The following TENM3 variants were observed in gnomAD, a reference collection of about 807,000 sequenced individuals.
The protein encoded by TENM3 is teneurin transmembrane protein 3.
Under a neutral mutation model 255.1 loss-of-function variants are expected in TENM3, and 63 were observed. The ratio of observed to expected loss-of-function variants is 0.25; its 90% CI spans 0.20 to 0.30. The LOEUF (loss-of-function observed/expected upper bound fraction) is 0.30, where lower values mean the gene tolerates loss of function less well. Ranked by LOEUF, TENM3 falls within the 10% of genes least tolerant of loss-of-function variation. TENM3 has a pLI of 1.00. For missense variants in TENM3, 2,929 were observed against 3,461.1 expected, an observed-to-expected ratio of 0.85 and a Z score of 3.86; for synonymous variants, 1,306 against 1,322.3, an observed-to-expected ratio of 0.99 and a Z score of 0.27.
intron 12 of TENM3, among the ~76,000 whole-genome samples, chr4:182,706,184 A>G (rs182892323): frequency 2.0e-5 from 3 of 152,270 alleles, no homozygotes; most frequent in African/African-American, 7.2e-5. Flanking sequence ...AGTTGTAACT[A>G]TAACGTTTAT....
intron 3 of TENM3, among the ~76,000 whole-genome samples, chr4:182,415,798 T>G (rs1021788599): frequency 6.6e-6 from 1 of 152,092 alleles, no homozygotes; most frequent in East Asian, 1.9e-4. Context: ...AAACTTGACA[T>G]GTAATTTAGC....
intron 3 of TENM3, among the ~76,000 whole-genome samples, chr4:182,365,634 A>G (rs6825457): frequency 0.74 from 113,273 of 152,156 alleles, 42,884 homozygotes; most frequent in East Asian, 0.97. Context: ...AATGAAAAAC[A>G]TAAAGCAGGC....
chr4:181,788,179 G>A, the TENM3 span, among the ~76,000 whole-genome samples: 2 of 152,088 alleles, frequency 1.3e-5, no homozygotes, highest in Non-Finnish European at 2.9e-5. Flanking sequence ...ACTAACTGGG[G>A]AGCTGCTTAG....
At chr4:182,637,514 G>A (rs778850194) in intron 5 of TENM3, among the ~76,000 whole-genome samples, 3 of 152,162 alleles carry the variant, frequency 2.0e-5, no homozygotes, top group Non-Finnish European at 1.5e-5. Context: ...CAGCCTGAAC[G>A]ACATAGCAAG....
chr4:182,169,512 G>C, intron 1 of TENM3: 1 of 267,328 alleles, frequency 3.7e-6, no homozygotes. Flanking sequence ...CTTTTTAGAG[G>C]AGAATTTATC....
At chr4:182,592,813 A>G (rs748451221) in intron 3 of TENM3, among the ~76,000 whole-genome samples, 7 of 152,208 alleles carry the variant, frequency 4.6e-5, no homozygotes, top group African/African-American at 9.6e-5. Context: ...TTTGAAGAAG[A>G]CTTAAGTTTT....
chr4:181,551,828 A>G, the TENM3 span, among the ~76,000 whole-genome samples: 71 of 25,340 alleles, frequency 2.8e-3, no homozygotes, highest in Non-Finnish European at 3.9e-3. Context: ...ATATATATAT[A>G]TATATGTATA....
At chr4:181,708,423 C>T in the TENM3 span, among the ~76,000 whole-genome samples, 429 of 151,960 alleles carry the variant, frequency 2.8e-3, 4 homozygotes, top group African/African-American at 9.2e-3. Flanking sequence ...TATATTAGAA[C>T]GAGATAAGAG....
the TENM3 span, among the ~76,000 whole-genome samples, chr4:181,455,907 C>G: frequency 6.6e-6 from 1 of 151,836 alleles, no homozygotes; most frequent in Non-Finnish European, 1.5e-5. Flanking sequence ...GCTTTGATAG[C>G]TAAATCACTG....
the TENM3 span, among the ~76,000 whole-genome samples, chr4:181,901,393 A>G: frequency 6.6e-6 from 1 of 152,200 alleles, no homozygotes; most frequent in Non-Finnish European, 1.5e-5. Flanking sequence ...CTATGGGGCT[A>G]CCCAGAATGG....
chr4:181,938,808 C>G, the TENM3 span, among the ~76,000 whole-genome samples: 6 of 152,144 alleles, frequency 3.9e-5, no homozygotes, highest in East Asian at 1.2e-3. Context: ...AATATTTCAA[C>G]CCTAAGAACT....
chr4:182,624,474 C>A (rs1196560022), intron 4 of TENM3, among the ~76,000 whole-genome samples: 1 of 152,196 alleles, frequency 6.6e-6, no homozygotes, highest in Non-Finnish European at 1.5e-5. Flanking sequence ...GAGCCTCAGC[C>A]TTCCTTGGAG....
chr4:182,420,067 A>C (rs1218757530), intron 3 of TENM3, among the ~76,000 whole-genome samples: 1 of 152,048 alleles, frequency 6.6e-6, no homozygotes, highest in African/African-American at 2.4e-5. Flanking sequence ...TTTCAGGGTG[A>C]GGACATTGAG....
intron 6 of TENM3, among the ~76,000 whole-genome samples, chr4:182,666,353 C>A (rs1236137472): frequency 6.6e-6 from 1 of 152,130 alleles, no homozygotes; most frequent in East Asian, 1.9e-4. Context: ...AAAAAGATAT[C>A]AAATAGCATC....
the TENM3 span, among the ~76,000 whole-genome samples, chr4:181,482,044 C>G: frequency 6.6e-6 from 1 of 151,968 alleles, no homozygotes; most frequent in African/African-American, 2.4e-5. Context: ...ATAATCCATG[C>G]TTAAAATCAG....
the TENM3 span, among the ~76,000 whole-genome samples, chr4:181,843,000 T>C: frequency 1.7e-4 from 26 of 152,208 alleles, no homozygotes; most frequent in East Asian, 7.7e-4. Flanking sequence ...CTAAGTTCCT[T>C]TGACTAAAAC....
chr4:182,413,740 C>T (rs1389342740), intron 3 of TENM3, among the ~76,000 whole-genome samples: 1 of 152,104 alleles, frequency 6.6e-6, no homozygotes, highest in Non-Finnish European at 1.5e-5. Flanking sequence ...AAGTGCCAAC[C>T]TAGATTTCTA....
intron 3 of TENM3, among the ~76,000 whole-genome samples, chr4:182,519,894 CCT>C (rs1219459930): frequency 2.0e-5 from 3 of 151,952 alleles, no homozygotes; most frequent in African/African-American, 7.3e-5. Context: ...TGGGAAAAAA[CCT>C]CTGTATTTCA....
chr4:182,453,487 T>C (rs551927531), intron 3 of TENM3, among the ~76,000 whole-genome samples: 2 of 152,320 alleles, frequency 1.3e-5, no homozygotes, highest in Non-Finnish European at 2.9e-5. Context: ...AAATAGTGTT[T>C]GACATAAATG....
Sources: allele counts gnomAD v4.1 joint callset (sites outside exome capture counted in the v4.1 genomes callset), GRCh38; gene constraint gnomAD v4.1.1; transcripts MANE v1.5; gene names NCBI Gene and HGNC (gene_info 2026-07-23, HGNC 2026-07-21).